CSMD3: variants seen among roughly 807,000 people sequenced by gnomAD.
CSMD3 encodes CUB and sushi domain-containing protein 3.
In CSMD3, 177 loss-of-function variants were observed where a neutral mutation model predicts 435.2. The ratio of observed to expected loss-of-function variants is 0.41; its 90% CI spans 0.36 to 0.46. CSMD3 has a LOEUF of 0.46. Ranked by LOEUF, CSMD3 falls within the 20% of genes least tolerant of loss-of-function variation. The pLI, the probability that CSMD3 is intolerant of heterozygous loss-of-function variation, is 0.34. For missense variants in CSMD3, 4,265 were observed against 4,504.6 expected (o/e 0.95, Z 1.52); for synonymous variants, 1,656 against 1,520.5 (o/e 1.09, Z -2.07).
chr8:112,475,020 C>G (rs1167376108), intron 31 of CSMD3, among the ~76,000 whole-genome samples: 1 of 152,136 alleles, frequency 6.6e-6, no homozygotes. Context: ...CTTCATTCAA[C>G]TGATAATGCT....
intron 30 of CSMD3, among the ~76,000 whole-genome samples, chr8:112,499,635 G>T (rs1198550698): frequency 6.6e-6 from 1 of 152,030 alleles, no homozygotes; most frequent in African/African-American, 2.4e-5. Flanking sequence ...ATAAGTTATA[G>T]ATTTAAATTT....
At chr8:112,469,160 CAAA>C (rs71309771) in intron 32 of CSMD3, among the ~76,000 whole-genome samples, 98 of 91,614 alleles carry the variant, frequency 1.1e-3, no homozygotes, top group East Asian at 7.2e-3. Context: ...CTACACCAGG[CAAA>C]AAAAAAAAAA....
intron 3 of CSMD3, among the ~76,000 whole-genome samples, chr8:113,196,405 T>C (rs1235750673): frequency 2.0e-5 from 3 of 151,144 alleles, no homozygotes; most frequent in East Asian, 1.9e-4. Flanking sequence ...TTGGGGTGAA[T>C]AGACTTTAGA....
At chr8:113,327,985 G>C (rs1250235312) in intron 1 of CSMD3, among the ~76,000 whole-genome samples, 2 of 151,946 alleles carry the variant, frequency 1.3e-5, no homozygotes, top group African/African-American at 4.8e-5. Context: ...TCTCACTTAC[G>C]GATGACCTGA....
intron 3 of CSMD3, among the ~76,000 whole-genome samples, chr8:113,263,124 G>A (rs1035945698): frequency 2.6e-5 from 4 of 151,888 alleles, no homozygotes; most frequent in East Asian, 1.9e-4. Flanking sequence ...TGTCAGTTAC[G>A]ACCAAAAGAG....
chr8:113,240,664 C>T (rs995987326), intron 3 of CSMD3, among the ~76,000 whole-genome samples: 3 of 152,086 alleles, frequency 2.0e-5, no homozygotes, highest in African/African-American at 7.2e-5. Context: ...TATTATTAAA[C>T]CAAATTCCTA....
chr8:112,448,779 C>G (rs933649374), intron 32 of CSMD3, among the ~76,000 whole-genome samples: 1 of 120,420 alleles, frequency 8.3e-6, no homozygotes, highest in Non-Finnish European at 1.8e-5. Context: ...AAAAAAAAAA[C>G]CAAAAACCTC....
intron 8 of CSMD3, among the ~76,000 whole-genome samples, chr8:112,950,113 A>G (rs1210812594): frequency 3.3e-5 from 5 of 151,988 alleles, no homozygotes; most frequent in African/African-American, 1.2e-4. Flanking sequence ...TTAGTTATCT[A>G]TAGAAAAAGA....
intron 32 of CSMD3, among the ~76,000 whole-genome samples, chr8:112,468,341 T>G (rs1818176746): frequency 6.6e-6 from 1 of 151,876 alleles, no homozygotes; most frequent in Admixed American, 6.6e-5. Context: ...CCCCAGTATC[T>G]GCTGGAGTAA....
intron 38 of CSMD3, among the ~76,000 whole-genome samples, chr8:112,370,041 A>G (rs375236242): frequency 1.8e-4 from 24 of 131,610 alleles, no homozygotes; most frequent in Admixed American, 9.2e-4. Context: ...AAGAAGAAGA[A>G]GAAGAAGAAG....
At chr8:112,941,956 A>T (rs2130770323) in intron 9 of CSMD3, among the ~76,000 whole-genome samples, 1 of 150,580 alleles carries the variant, frequency 6.6e-6, no homozygotes, top group South Asian at 2.1e-4. Flanking sequence ...AAAATATTTT[A>T]TTAATTAAAG....
chr8:112,496,502 C>T (rs1821358873), intron 30 of CSMD3, among the ~76,000 whole-genome samples: 1 of 152,134 alleles, frequency 6.6e-6, no homozygotes, highest in Admixed American at 6.5e-5. Context: ...GATATCTGCA[C>T]TCTCACATTT....
rs773470679 is a variant in CSMD3 at position 112,829,696 on chromosome 8, C to G, written c.1849G>C (p.Val617Leu). 2 of 1,603,374 alleles carry G rather than the reference C, an allele frequency of 1.2e-6. No individual in the cohort carries two copies. Among genetic ancestry groups the G allele is most frequent in the Non-Finnish European group, 1.7e-6 (2 of 1,170,300 alleles). ...DGGEVGDPRT[V>L]LQVLTGSFVP... is the part of the protein sequence containing the mutation. ...ACATTGGGAACTTACACTTGGAGCA[C>G]TGTCCTAGGATCTCCAACTTCGCCC... The change falls in exon 12 of 71, where the codon GTG becomes CTG. Residue 617 changes from valine to leucine, a missense_variant. Val to Leu is a conservative substitution (Grantham distance 32). Around this residue, in one of 3 missense-constraint regions of CSMD3, gnomAD observed 731 missense variants for 755.4 expected, o/e 0.97. Transcript: ENST00000297405.
intron 28 of CSMD3, among the ~76,000 whole-genome samples, chr8:112,507,875 T>C (rs1481172941): frequency 6.6e-6 from 1 of 152,120 alleles, no homozygotes; most frequent in Non-Finnish European, 1.5e-5. Context: ...CTCAGAAAAT[T>C]GTCTCAGCTC....
intron 12 of CSMD3, among the ~76,000 whole-genome samples, chr8:112,814,665 C>T (rs1446045180): frequency 6.6e-6 from 1 of 152,012 alleles, no homozygotes; most frequent in Non-Finnish European, 1.5e-5. Context: ...TGCTTGTAAT[C>T]CCAGCTACTG....
intron 1 of CSMD3, among the ~76,000 whole-genome samples, chr8:113,334,140 T>C (rs992547755): frequency 4.6e-5 from 7 of 151,668 alleles, no homozygotes; most frequent in African/African-American, 1.2e-4. Flanking sequence ...CTCACTTATG[T>C]AGAGTAGTCT....
At chr8:113,271,304 C>A (rs2093523721) in intron 3 of CSMD3, among the ~76,000 whole-genome samples, 3 of 152,120 alleles carry the variant, frequency 2.0e-5, no homozygotes, top group Admixed American at 1.3e-4. Flanking sequence ...ATCTCCAGGG[C>A]ACGTCACAGG....
intron 31 of CSMD3, among the ~76,000 whole-genome samples, chr8:112,474,606 G>T (rs1486379687): frequency 6.6e-6 from 1 of 152,128 alleles, no homozygotes; most frequent in Non-Finnish European, 1.5e-5. Context: ...ATAGGTGTAG[G>T]TTTTATACTG....
intron 68 of CSMD3, among the ~76,000 whole-genome samples, chr8:112,232,584 G>A (rs866904456): frequency 6.6e-6 from 1 of 152,104 alleles, no homozygotes; most frequent in Non-Finnish European, 1.5e-5. Flanking sequence ...ACTCCAGCCT[G>A]GGCAACAGAG....
Sources: gnomAD v4.1 joint callset for allele counts (sites outside exome capture counted in the v4.1 genomes callset) on GRCh38, gnomAD v4.1.1 for gene constraint, gnomAD v4.1.1 regional missense constraint, MANE v1.5 for transcripts, NCBI Gene and HGNC (gene_info 2026-07-23, HGNC 2026-07-21) for gene names.